FBP1: variants seen among roughly 807,000 people sequenced by gnomAD.
FBP1 encodes the protein fructose-1,6-bisphosphatase 1.
A neutral mutation model predicts 29.9 loss-of-function variants in FBP1; 22 were observed. The ratio of observed to expected loss-of-function variants is 0.74; its 90% confidence interval spans 0.53 to 1.05. The LOEUF is 1.05. Among genes scored for constraint, FBP1 ranks in the 50% least tolerant of loss-of-function variants. FBP1 has a pLI of 0.00. For missense variants in FBP1, 345 were observed against 448.2 expected (o/e 0.77, Z 2.08); for synonymous variants, 175 against 178.6 (o/e 0.98, Z 0.16).
chr9:94,603,469 T>C lies in FBP1; in HGVS notation c.929A>G (p.Asp310Gly), dbSNP rs1273982034. 1 of 1,614,124 alleles carries C rather than the reference T, an allele frequency of 6.2e-7. No individual in the cohort carries two copies. Among genetic ancestry groups the C allele is most frequent in the Non-Finnish European group, 8.5e-7 (1 of 1,179,996 alleles). ...KEAVLDVIPT[D>G]IHQRAPVILG... ...GATCACCGGCGCCCTCTGGTGAATGTCTGTGGGAATGACGTCTAACACGGC... is the reference window on the plus strand; with the variant it reads ...GATCACCGGCGCCCTCTGGTGAATGCCTGTGGGAATGACGTCTAACACGGC... The change falls in exon 7 of 7, where the codon GAC becomes GGC. Residue 310 changes from aspartate to glycine, a missense_variant. Physicochemically the swap from Asp to Gly is moderately conservative, Grantham distance 94. Transcript: ENST00000375326.
In FBP1 at chr9:94,609,921, C is replaced by G; in HGVS notation, c.567G>C (p.Pro189=). 2 of 1,614,046 alleles carry G rather than the reference C, an allele frequency of 1.2e-6. No individual in the cohort carries two copies. The highest frequency in any genetic ancestry group is 4.5e-5 in the East Asian group (2 of 44,886). ...DCGVNCFMLD[P]AIGEFILVDK... ...CCCAGCCTCCTGTGAGGTCTCTCAC[C>G]GGGTCCAGCATGAAGCAGTTGACCC... The change falls in exon 4 of 7, where the codon CCG becomes CCC. Residue 189 remains proline, a splice_region_variant and synonymous_variant. Coordinates refer to ENST00000375326, the MANE Select transcript of FBP1 (RefSeq NM_000507.4).
intron 3 of FBP1, among the ~76,000 whole-genome samples, chr9:94,612,829 G>A (rs1827806145): frequency 6.6e-6 from 1 of 152,024 alleles, no homozygotes; most frequent in African/African-American, 2.4e-5. Flanking sequence ...CCAAAGAGCT[G>A]GGATCAGCCC....
At chr9:94,605,644 TAA>T (rs1563978666) in intron 5 of FBP1, 68 bp from the exon 6 acceptor site, 2 of 1,519,822 alleles carry the variant, frequency 1.3e-6, no homozygotes. Flanking sequence ...TGGTGTCTCC[TAA>T]GTTTCTTTGA....
At chr9:94,628,419 A>C (rs12006206) in intron 1 of FBP1, among the ~76,000 whole-genome samples, 31,032 of 151,432 alleles carry the variant, frequency 0.2, 3,524 homozygotes, top group South Asian at 0.29. Context: ...GGGGAAAGGC[A>C]ACATTGTGAG....
At chr9:94,612,698 A>T (rs577929610) in intron 3 of FBP1, among the ~76,000 whole-genome samples, 4 of 151,434 alleles carry the variant, frequency 2.6e-5, no homozygotes, top group Non-Finnish European at 5.9e-5. Flanking sequence ...CTGGGATTAC[A>T]GGCGCCCACC....
intron 1 of FBP1, among the ~76,000 whole-genome samples, chr9:94,621,212 TCAAAAAAAAAAAA>T (rs1827943177): frequency 1.3e-4 from 3 of 23,142 alleles, no homozygotes; most frequent in African/African-American, 4.1e-4. Flanking sequence ...AGACTCCGTC[TCAAAAAAAAAAAA>T]AAAAAAAAAA....
chr9:94,614,214 G>T (rs868011024), intron 3 of FBP1, among the ~76,000 whole-genome samples: 1 of 144,918 alleles, frequency 6.9e-6, no homozygotes, highest in South Asian at 2.4e-4. Flanking sequence ...GGAGGGAGAA[G>T]GGGGAGGGAC....
At position 94,638,380 on chromosome 9, in the gene FBP1, G is replaced by C. The variant is rs28382865; in HGVS notation, c.170+761C>G. Among the ~76,000 whole-genome samples the C allele has an allele frequency of 6.2e-3, 949 of 152,306 alleles. 3 individuals are homozygous for C. Among genetic ancestry groups the C allele is most frequent in the Middle Eastern group, 0.031 (9 of 294 alleles). On this transcript the variant is annotated intron_variant, in intron 1 of 6. Coordinates refer to ENST00000375326, the MANE Select transcript of FBP1 (RefSeq NM_000507.4). ...ATGATTCCTGTGCCCAGTGACGTTC[G>C]AGATGCACTCCATAGCGCATTCAGA...
At chr9:94,613,670 G>A (rs1436978205) in intron 3 of FBP1, among the ~76,000 whole-genome samples, 2 of 152,064 alleles carry the variant, frequency 1.3e-5, no homozygotes, top group Non-Finnish European at 2.9e-5. Context: ...GGAGGCTGAG[G>A]TAGGAGGATG....
At chr9:94,632,040 T>C (rs1045326899) in intron 1 of FBP1, among the ~76,000 whole-genome samples, 14 of 152,114 alleles carry the variant, frequency 9.2e-5, no homozygotes, top group Admixed American at 2.0e-4. Flanking sequence ...TCAAGAAACA[T>C]AAAATAAATC....
intron 5 of FBP1, 132 bp downstream of exon 5, chr9:94,606,683 G>C: frequency 1.2e-6 from 1 of 836,726 alleles, no homozygotes; most frequent in Non-Finnish European, 1.9e-6. Flanking sequence ...CACTGCTCAG[G>C]AGCCCCACAT....
intron 4 of FBP1, among the ~76,000 whole-genome samples, chr9:94,609,201 AAAAAAGAAAG>A (rs1348611979): frequency 3.3e-5 from 5 of 149,986 alleles, no homozygotes; most frequent in African/African-American, 1.3e-4. Context: ...AAAAAAAAAA[AAAAAAGAAAG>A]AAAGACTGCA....
chr9:94,610,229 G>A (rs928790316), intron 3 of FBP1, among the ~76,000 whole-genome samples, 168 bp from the exon 4 acceptor site: 2 of 152,072 alleles, frequency 1.3e-5, no homozygotes, highest in Admixed American at 6.5e-5. Flanking sequence ...AGATTATCAC[G>A]GCAGCCTTCC....
chr9:94,633,874 T>G (rs1657812001), intron 1 of FBP1, among the ~76,000 whole-genome samples: 1 of 151,542 alleles, frequency 6.6e-6, no homozygotes, highest in African/African-American at 2.4e-5. Flanking sequence ...CCGGCTAATT[T>G]TTTTGTATTT....
intron 1 of FBP1, among the ~76,000 whole-genome samples, chr9:94,629,070 C>T (rs377423303): frequency 3.3e-5 from 5 of 152,208 alleles, no homozygotes; most frequent in African/African-American, 4.8e-5. Context: ...CAACCTCCCC[C>T]TCCCGGGTTC....
At chr9:94,617,970 G>A in intron 2 of FBP1, 110 bp from the exon 3 acceptor site, 1 of 827,658 alleles carries the variant, frequency 1.2e-6, no homozygotes, top group Non-Finnish European at 2.0e-6. Flanking sequence ...CAAAAAATGT[G>A]GGTCTTATTT....
At chr9:94,633,740 T>C (rs1828145666) in intron 1 of FBP1, among the ~76,000 whole-genome samples, 1 of 151,942 alleles carries the variant, frequency 6.6e-6, no homozygotes, top group Admixed American at 6.5e-5. Context: ...AGTCTCCCTA[T>C]GTCGCCCAGG....
At chr9:94,609,869 C>A (rs914336659) in intron 4 of FBP1, 52 bp downstream of exon 4, 2 of 1,602,558 alleles carry the variant, frequency 1.2e-6, no homozygotes, top group Non-Finnish European at 1.7e-6. Context: ...ACATATCATT[C>A]ATTTGCTCAC....
chr9:94,614,125 G>C (rs1827827890), intron 3 of FBP1, among the ~76,000 whole-genome samples: 1 of 137,658 alleles, frequency 7.3e-6, no homozygotes, highest in Non-Finnish European at 1.6e-5. Flanking sequence ...AGAAAAGGAA[G>C]AAGAAGAGGA....
Sources: allele counts gnomAD v4.1 joint callset (sites outside exome capture counted in the v4.1 genomes callset), GRCh38; gene constraint gnomAD v4.1.1; transcripts MANE v1.5; gene names NCBI Gene and HGNC (gene_info 2026-07-23, HGNC 2026-07-21).